Variants in CCNH observed in about 807,000 individuals in gnomAD.
CCNH encodes the protein cyclin H.
A neutral mutation model predicts 41.9 loss-of-function variants in CCNH; 31 were observed. The observed-to-expected ratio is 0.74, with a 90% CI of 0.56 to 1.00. The LOEUF is 1.00. Among genes scored for constraint, CCNH ranks in the 50% least tolerant of loss-of-function variants. The probability of loss-of-function intolerance (pLI) is 0.00; values close to 1 mark genes in which losing one functional copy is unlikely to be tolerated. For missense variants in CCNH, 362 were observed against 388.4 expected (o/e 0.93, Z 0.57); for synonymous variants, 138 against 136.1 (o/e 1.01, Z -0.10).
At chr5:87,409,634 G>GTGTT (rs1554053978) in intron 2 of CCNH, among the ~76,000 whole-genome samples, 1 of 141,132 alleles carries the variant, frequency 7.1e-6, no homozygotes, top group East Asian at 1.9e-4. Flanking sequence ...AAATACGTGT[G>GTGTT]TGTGTGTGTG....
intron 9 of CCNH, among the ~76,000 whole-genome samples, chr5:87,331,896 G>A (rs1020003607): frequency 2.0e-5 from 3 of 151,816 alleles, no homozygotes; most frequent in Admixed American, 1.3e-4. Flanking sequence ...AAAACTCTTC[G>A]CAGACATGCA....
At chr5:87,356,367 G>A (rs529375129) in intron 9 of CCNH, among the ~76,000 whole-genome samples, 40 of 151,642 alleles carry the variant, frequency 2.6e-4, no homozygotes, top group African/African-American at 8.0e-4. Flanking sequence ...ACTCACTGAC[G>A]TCCTAGATGA....
Position 87,408,176 on chromosome 5 carries a change from C to T in CCNH, c.325G>A (p.Ala109Thr), listed in dbSNP as rs376356637. ...TCATCTACTTTGCAGGCCAAAAATG[C>T]ACAAGTGAGCCTAGAGGAAAAAATA... ...YHPRIIMLTCAFLACKVDEFN... is the reference protein window; with the variant it reads ...YHPRIIMLTCTFLACKVDEFN... Residue 109 changes from alanine (A) to threonine (T), a missense_variant, in exon 4 of 9, where the codon GCA becomes ACA. Coordinates refer to ENST00000256897, the MANE Select transcript of CCNH (RefSeq NM_001239.4). The T allele has an allele frequency of 1.9e-5, 28 of 1,500,344 alleles. No individual in the cohort carries two copies. The highest frequency in any genetic ancestry group is 2.3e-5 in the Non-Finnish European group (25 of 1,108,010). The allele number at this position is 1,500,344 out of a possible 1,614,324, so 92.9% of individuals were successfully genotyped here.
At chr5:87,334,467 T>C (rs66507804) in intron 9 of CCNH, among the ~76,000 whole-genome samples, 27,834 of 152,164 alleles carry the variant, frequency 0.18, 2,826 homozygotes, top group East Asian at 0.41. Flanking sequence ...CCCAGAAATA[T>C]AATGTTTAAT....
intron 9 of CCNH, among the ~76,000 whole-genome samples, chr5:87,344,502 T>A (rs1475833725): frequency 6.6e-6 from 1 of 151,946 alleles, no homozygotes; most frequent in African/African-American, 2.4e-5. Flanking sequence ...GTCTTCAAAT[T>A]CATAATACTT....
chr5:87,362,744 T>C lies in CCNH; in HGVS notation c.*90+30026A>G. ...ATATGGAGCTCCGAACTTATTGTGA[T>C]ATATATTTAATAAGTTTTGACATGA... On this transcript the variant is annotated intron_variant and NMD_transcript_variant, in intron 9 of 9. Transcript: ENST00000645953. 2.0e-6 allele frequency: 3 copies of C among 1,501,856 alleles called. No individual in the cohort carries two copies. The Admixed American group carries it at 5.1e-5, about 26-fold the overall frequency. 93.0% of individuals were successfully genotyped at this position (1,501,856 alleles called of 1,614,324 possible). A position where few individuals can be genotyped will look rare whatever the true frequency, so the allele number is the denominator to read the frequency against.
chr5:87,406,864 G>T (rs139325501), intron 4 of CCNH, among the ~76,000 whole-genome samples: 1 of 152,024 alleles, frequency 6.6e-6, no homozygotes, highest in Non-Finnish European at 1.5e-5. Flanking sequence ...ACAGATGCGC[G>T]ATAAATACCT....
At chr5:87,325,803 A>T (rs1757189574) in intron 9 of CCNH, among the ~76,000 whole-genome samples, 1 of 152,350 alleles carries the variant, frequency 6.6e-6, no homozygotes, top group South Asian at 2.1e-4. Context: ...AGTTAGTTGT[A>T]AATAATTGTA....
chr5:87,376,961 C>T lies in CCNH; in HGVS notation n.220G>A. On this transcript the variant is annotated non_coding_transcript_exon_variant, in exon 1 of 1. Coordinates refer to the CCNH transcript ENST00000607486. ...AAGACCGAACACTACTGGCCAGCAT[C>T]CTACTGAGGATTTTTCTTCACGAAA... 6.2e-7 allele frequency: 1 copy of T among 1,611,932 alleles called. No homozygotes were observed. Among genetic ancestry groups the T allele is most frequent in the Non-Finnish European group, 8.5e-7 (1 of 1,178,054 alleles).
downstream of CCNH, among the ~76,000 whole-genome samples, chr5:87,315,374 C>T (rs772001918): frequency 5.9e-5 from 9 of 152,152 alleles, no homozygotes; most frequent in Non-Finnish European, 1.0e-4. Context: ...GTCTCTCCTT[C>T]TCTTATAAAA....
intron 9 of CCNH, chr5:87,353,086 G>A: frequency 1.6e-6 from 2 of 1,244,222 alleles, no homozygotes; most frequent in Admixed American, 1.8e-5. Context: ...TGGCAAGAAA[G>A]TTTACACATA....
chr5:87,394,362 T>G lies in CCNH; in HGVS notation c.*84A>C. ...TTTTAATATATTTTATGTTTTCACA[T>G]TATACTTTTTAAATAAAGTTAAACG... On this transcript the variant is annotated 3_prime_UTR_variant, in exon 9 of 9. Transcript: ENST00000256897. 6.5e-7 allele frequency: 1 copy of G among 1,537,554 alleles called. No individual in the cohort carries two copies.
chr5:87,404,815 T>A, intron 5 of CCNH, 29 bp downstream of exon 5: 4 of 1,542,826 alleles, frequency 2.6e-6, no homozygotes, highest in Non-Finnish European at 3.5e-6. Flanking sequence ...GTGACTGAAT[T>A]TGACCTAAGT....
chr5:87,333,179 T>G (rs1444363952), intron 9 of CCNH: 7 of 1,538,150 alleles, frequency 4.6e-6, no homozygotes, highest in Non-Finnish European at 6.1e-6. Context: ...CTAATGTGAA[T>G]TTTTATTGGC....
At chr5:87,390,893 C>A, downstream of CCNH, 1 of 1,599,398 alleles carries the variant, frequency 6.3e-7, no homozygotes, top group Non-Finnish European at 8.6e-7. Context: ...GCAGCCTTCG[C>A]CCCAGTGTTC....
At chr5:87,318,201 C>G (rs1039697154), downstream of CCNH, among the ~76,000 whole-genome samples, 5 of 152,116 alleles carry the variant, frequency 3.3e-5, no homozygotes, top group African/African-American at 1.2e-4. Context: ...TGTGGATTCC[C>G]TACTGTATGC....
chr5:87,386,468 A>G (rs1008677953), intron 9 of CCNH, among the ~76,000 whole-genome samples: 11 of 152,012 alleles, frequency 7.2e-5, no homozygotes, highest in Non-Finnish European at 1.3e-4. Context: ...ATTTGGGGCC[A>G]TGTTTGAGTG....
intron 4 of CCNH, 110 bp downstream of exon 4, chr5:87,407,866 G>T: frequency 1.3e-6 from 1 of 779,686 alleles, no homozygotes; most frequent in South Asian, 1.7e-5. Context: ...CCCACAGGTT[G>T]TATCCATGCT....
upstream of CCNH, among the ~76,000 whole-genome samples, chr5:87,377,982 ATAAAT>A (rs1761439953): frequency 3.3e-5 from 5 of 152,328 alleles, no homozygotes; most frequent in South Asian, 1.0e-3. Flanking sequence ...TTTTAAGCTA[ATAAAT>A]TAATCTATAC....
Sources: gnomAD v4.1 joint callset for allele counts (sites outside exome capture counted in the v4.1 genomes callset) on GRCh38, gnomAD v4.1.1 for gene constraint, MANE v1.5 for transcripts, NCBI Gene and HGNC (gene_info 2026-07-23, HGNC 2026-07-21) for gene names.